CCSER1: variants seen among roughly 807,000 people sequenced by gnomAD.
CCSER1 encodes coiled-coil serine rich protein 1.
CCSER1 carries 41 observed loss-of-function variants against 82.0 expected under a neutral mutation model. The observed-to-expected ratio is 0.50, with a 90% CI of 0.39 to 0.65. CCSER1 has a LOEUF of 0.65. Among genes scored for constraint, CCSER1 ranks in the 30% least tolerant of loss-of-function variants. The pLI, the probability that CCSER1 is intolerant of heterozygous loss-of-function variation, is 0.00. For synonymous variants in CCSER1, 414 were observed against 383.9 expected (o/e 1.08, Z -0.92); for missense variants, 1,119 against 1,064.2 (o/e 1.05, Z -0.72).
At chr4:90,845,171 G>A (rs527887025) in intron 8 of CCSER1, among the ~76,000 whole-genome samples, 1 of 152,042 alleles carries the variant, frequency 6.6e-6, no homozygotes, top group South Asian at 2.1e-4. Flanking sequence ...GACCATCGTG[G>A]CCAACAAGGT....
intron 10 of CCSER1, among the ~76,000 whole-genome samples, chr4:91,380,975 A>G (rs551496714): frequency 3.3e-5 from 5 of 152,212 alleles, no homozygotes; most frequent in Non-Finnish European, 7.4e-5. Context: ...TTGCTTGTCT[A>G]TAAAGGATTT....
intron 10 of CCSER1, among the ~76,000 whole-genome samples, chr4:91,394,684 C>T (rs971472843): frequency 6.6e-6 from 1 of 151,974 alleles, no homozygotes; most frequent in Admixed American, 6.6e-5. Flanking sequence ...ATCTATTTTA[C>T]ATGACAGAAA....
intron 1 of CCSER1, among the ~76,000 whole-genome samples, chr4:90,296,908 G>C (rs1229488611): frequency 6.6e-6 from 1 of 152,158 alleles, no homozygotes; most frequent in Non-Finnish European, 1.5e-5. Flanking sequence ...TTGTAGTATA[G>C]TTTGAAGTCA....
In CCSER1 at chr4:91,570,471, T is replaced by A. The variant is rs6811760; in HGVS notation, c.2218-28101T>A. Among the ~76,000 whole-genome samples, 1,157 of 152,342 alleles carry A rather than the reference T, an allele frequency of 7.6e-3. 10 individuals are homozygous for A. Among genetic ancestry groups the A allele is most frequent in the African/African-American group, 0.026 (1,084 of 41,580 alleles). Reference sequence around the variant, plus strand: ...CTGGACATCCAGGTGTTTTTATACATCTTTTGAAATCTAGGTGGAGGTTCC... The same window carrying A: ...CTGGACATCCAGGTGTTTTTATACAACTTTTGAAATCTAGGTGGAGGTTCC... On this transcript the variant is annotated intron_variant, in intron 10 of 10. Transcript: ENST00000509176.
intron 8 of CCSER1, among the ~76,000 whole-genome samples, chr4:90,847,462 A>T (rs1029315611): frequency 4.6e-5 from 7 of 152,174 alleles, no homozygotes; most frequent in African/African-American, 1.7e-4. Flanking sequence ...TCCTCTATGA[A>T]GTCCAGAACT....
At chr4:90,517,136 T>G (rs1772400412) in intron 5 of CCSER1, among the ~76,000 whole-genome samples, 1 of 152,164 alleles carries the variant, frequency 6.6e-6, no homozygotes. Flanking sequence ...AGTTTACAGT[T>G]AGCAAAATCA....
chr4:90,405,773 T>C (rs934577148), intron 4 of CCSER1, among the ~76,000 whole-genome samples: 1 of 152,092 alleles, frequency 6.6e-6, no homozygotes, highest in African/African-American at 2.4e-5. Context: ...GCTTCATAAA[T>C]GAAGGAAAGA....
chr4:90,684,622 T>G (rs543214966), intron 6 of CCSER1, among the ~76,000 whole-genome samples: 2 of 152,204 alleles, frequency 1.3e-5, no homozygotes, highest in Non-Finnish European at 2.9e-5. Context: ...AGTTATTCAT[T>G]AATATAATTA....
chr4:90,483,159 T>C (rs1172363776), intron 5 of CCSER1, among the ~76,000 whole-genome samples: 1 of 152,194 alleles, frequency 6.6e-6, no homozygotes, highest in Non-Finnish European at 1.5e-5. Context: ...TCTTTGTTGG[T>C]TTAAAGTCTG....
In CCSER1 at chr4:91,243,822, C is replaced by T. The variant is rs370113374; in HGVS notation, c.2217+157828C>T. 9.9e-5 allele frequency among the ~76,000 whole-genome samples: 15 copies of T among 152,256 alleles called. 1 individual carries two copies. In the South Asian group the frequency reaches 1.5e-3, roughly 15 times the overall value. On this transcript the variant is annotated intron_variant, in intron 10 of 10. Coordinates refer to ENST00000509176, the MANE Select transcript of CCSER1 (RefSeq NM_001145065.2). The stretch of plus-strand genomic sequence containing the variant: ...GAGACATGCTGGCTTCAAGGGTGAC[C>T]TAGCACGTTCCCACCTGTGGGCACT...
chr4:90,668,056 T>A (rs1732131113), intron 6 of CCSER1, among the ~76,000 whole-genome samples: 1 of 152,142 alleles, frequency 6.6e-6, no homozygotes, highest in East Asian at 1.9e-4. Flanking sequence ...TAGGTTATGG[T>A]TTAAGTGATT....
intron 6 of CCSER1, among the ~76,000 whole-genome samples, chr4:90,666,993 A>T (rs1731914153): frequency 1.3e-5 from 2 of 152,326 alleles, no homozygotes; most frequent in South Asian, 4.1e-4. Flanking sequence ...TTCTTTCACT[A>T]GTTATCAAGA....
chr4:90,346,650 T>G (rs1742408222), intron 3 of CCSER1, among the ~76,000 whole-genome samples: 1 of 152,094 alleles, frequency 6.6e-6, no homozygotes, highest in African/African-American at 2.4e-5. Flanking sequence ...CAATTTTCTA[T>G]TACTGAAAAA....
intron 9 of CCSER1, among the ~76,000 whole-genome samples, chr4:90,926,706 T>C (rs1387560510): frequency 2.0e-5 from 3 of 151,946 alleles, no homozygotes; most frequent in Non-Finnish European, 2.9e-5. Flanking sequence ...ATAAACACCA[T>C]AGTTTTTGTG....
intron 3 of CCSER1, among the ~76,000 whole-genome samples, chr4:90,391,230 G>T (rs564028209): frequency 1.5e-4 from 20 of 136,298 alleles, no homozygotes; most frequent in Admixed American, 1.4e-3. Flanking sequence ...CCGAGATCGT[G>T]CCATTGCGCT....
intron 5 of CCSER1, among the ~76,000 whole-genome samples, chr4:90,570,959 A>C (rs1045774733): frequency 6.6e-6 from 1 of 152,308 alleles, no homozygotes; most frequent in South Asian, 2.1e-4. Context: ...AAAACATACA[A>C]GCAGCTAACA....
At chr4:90,532,257 C>A (rs1774625002) in intron 5 of CCSER1, among the ~76,000 whole-genome samples, 1 of 152,144 alleles carries the variant, frequency 6.6e-6, no homozygotes, top group Admixed American at 6.5e-5. Flanking sequence ...GCTTCCCAGG[C>A]AAGTGATTTC....
intron 1 of CCSER1, among the ~76,000 whole-genome samples, chr4:90,224,414 A>G (rs1195980366): frequency 6.6e-6 from 1 of 152,228 alleles, no homozygotes; most frequent in Admixed American, 6.5e-5. Context: ...GCATTGTACA[A>G]TGAAAATAGG....
At chr4:91,378,070 T>C (rs570034532) in intron 10 of CCSER1, among the ~76,000 whole-genome samples, 3 of 152,238 alleles carry the variant, frequency 2.0e-5, no homozygotes, top group Non-Finnish European at 2.9e-5. Flanking sequence ...AGATGTGTGG[T>C]ATTATTTCTG....
Sources: gnomAD v4.1 joint callset for allele counts (sites outside exome capture counted in the v4.1 genomes callset) on GRCh38, gnomAD v4.1.1 for gene constraint, MANE v1.5 for transcripts, NCBI Gene and HGNC (gene_info 2026-07-23, HGNC 2026-07-21) for gene names.